GPC5: variants seen among roughly 807,000 people sequenced by gnomAD.
GPC5 encodes glypican 5, also known as glypican-5.
In GPC5, 47 loss-of-function variants were observed where a neutral mutation model predicts 53.9. The observed-to-expected ratio is 0.87, with a 90% CI of 0.69 to 1.11. The LOEUF (loss-of-function observed/expected upper bound fraction) is 1.11, where lower values mean the gene tolerates loss of function less well. Among genes scored for constraint, GPC5 ranks in the 50% most tolerant of loss-of-function variants. The pLI is 0.00. For missense variants in GPC5, 748 were observed against 713.1 expected, an observed-to-expected ratio of 1.05 and a Z score of -0.56; for synonymous variants, 286 against 263.3, an observed-to-expected ratio of 1.09 and a Z score of -0.84.
intron 2 of GPC5, among the ~76,000 whole-genome samples, chr13:91,649,075 G>A (rs537102137): frequency 6.6e-6 from 1 of 152,318 alleles, no homozygotes; most frequent in African/African-American, 2.4e-5. Flanking sequence ...TTCATAAGGG[G>A]CTTTTCACCC....
At chr13:92,239,994 T>A (rs2042599169) in intron 7 of GPC5, 2 of 84,438 alleles carry the variant, frequency 2.4e-5, no homozygotes, top group Admixed American at 2.6e-4. Flanking sequence ...AATTTTCAAA[T>A]TTGTTTAAAC....
chr13:92,043,415 AGG>A (rs758846162), intron 6 of GPC5, among the ~76,000 whole-genome samples: 15 of 152,122 alleles, frequency 9.9e-5, no homozygotes, highest in Non-Finnish European at 1.9e-4. Context: ...GTGAGGAGCA[AGG>A]GAAGAAAGGG....
intron 5 of GPC5, among the ~76,000 whole-genome samples, chr13:91,863,196 G>A (rs532387827): frequency 3.6e-4 from 55 of 152,186 alleles, no homozygotes; most frequent in Non-Finnish European, 5.3e-4. Flanking sequence ...AATGGGTGCT[G>A]CATGATTTTT....
At chr13:92,176,854 G>A (rs538372190) in intron 7 of GPC5, among the ~76,000 whole-genome samples, 1 of 152,110 alleles carries the variant, frequency 6.6e-6, no homozygotes, top group African/African-American at 2.4e-5. Flanking sequence ...TTTACATACT[G>A]TATCTACAGC....
At chr13:91,867,931 AG>A (rs35465837) in intron 5 of GPC5, among the ~76,000 whole-genome samples, 1 of 152,022 alleles carries the variant, frequency 6.6e-6, no homozygotes, top group Non-Finnish European at 1.5e-5. Context: ...AATTTTCAAA[AG>A]GGGACATGGC....
At chr13:91,883,046 T>C (rs999858482) in intron 5 of GPC5, among the ~76,000 whole-genome samples, 2 of 152,306 alleles carry the variant, frequency 1.3e-5, no homozygotes, top group Non-Finnish European at 2.9e-5. Context: ...AGGATTCATC[T>C]GAGTGATTCT....
At chr13:91,448,730 T>A in intron 1 of GPC5, 31 bp from the exon 2 acceptor site, 1 of 1,605,768 alleles carries the variant, frequency 6.2e-7, no homozygotes, top group Admixed American at 1.7e-5. Flanking sequence ...AATGAACAGG[T>A]AATCATTCTG....
At chr13:92,157,229 A>C (rs967975408) in intron 7 of GPC5, among the ~76,000 whole-genome samples, 5 of 152,196 alleles carry the variant, frequency 3.3e-5, no homozygotes. Context: ...ATTGCAACAG[A>C]TGGAATGAAA....
chr13:91,861,050 C>T (rs766865287), intron 5 of GPC5, among the ~76,000 whole-genome samples: 6 of 152,030 alleles, frequency 3.9e-5, no homozygotes, highest in Non-Finnish European at 7.4e-5. Flanking sequence ...TCATTGATTT[C>T]GAATTAAATT....
rs529959082 is a variant in GPC5 at position 91,559,651 on chromosome 13, C to T, written c.325+110729C>T. 2.0e-5 allele frequency among the ~76,000 whole-genome samples: 3 copies of T among 152,216 alleles called. No individual in the cohort carries two copies. In the East Asian group the frequency reaches 5.8e-4, roughly 29 times the overall value. On this transcript the variant is annotated intron_variant, in intron 2 of 7. Coordinates refer to ENST00000377067, the MANE Select transcript of GPC5 (RefSeq NM_004466.6). Reference sequence around the variant, plus strand: ...AACTGGCTGTATTGAACCCCTAAGTCATTCTGAGCCTTCCTTACCACTTGA... The same window carrying T: ...AACTGGCTGTATTGAACCCCTAAGTTATTCTGAGCCTTCCTTACCACTTGA...
intron 7 of GPC5, among the ~76,000 whole-genome samples, chr13:92,630,392 G>T (rs1278727583): frequency 1.3e-5 from 2 of 151,984 alleles, no homozygotes; most frequent in East Asian, 3.8e-4. Context: ...AAAGCAAAAT[G>T]CAAACTATTC....
intron 6 of GPC5, among the ~76,000 whole-genome samples, chr13:92,086,893 A>C (rs1241006224): frequency 6.6e-6 from 1 of 152,144 alleles, no homozygotes; most frequent in African/African-American, 2.4e-5. Context: ...TCCTGACCTC[A>C]GGTGATCTAC....
intron 6 of GPC5, among the ~76,000 whole-genome samples, chr13:92,053,795 C>T (rs918157450): frequency 1.1e-4 from 16 of 151,874 alleles, no homozygotes; most frequent in African/African-American, 3.9e-4. Context: ...TTTGGGAGGC[C>T]GAGGTGGGCG....
rs189931029 is a variant in GPC5, at chr13:91,983,680, A to G, written c.1401+75623A>G. On this transcript the variant is annotated intron_variant, in intron 6 of 7. Transcript: ENST00000377067. ...TGTGTAGTTCTGGAGCAGAATATTG[A>G]TAAGGCCATTTGTAGCTTGGTCAAA... Among the ~76,000 whole-genome samples, 5 of 152,276 alleles carry G rather than the reference A, an allele frequency of 3.3e-5. No individual in the cohort carries two copies. The East Asian group carries it at 9.7e-4, about 29-fold the overall frequency.
intron 7 of GPC5, among the ~76,000 whole-genome samples, chr13:92,653,518 T>C (rs1279776836): frequency 6.6e-6 from 1 of 152,152 alleles, no homozygotes; most frequent in African/African-American, 2.4e-5. Flanking sequence ...ATGCATCACT[T>C]AAGATTCTTT....
intron 7 of GPC5, among the ~76,000 whole-genome samples, chr13:92,297,908 A>C (rs893209546): frequency 2.6e-5 from 4 of 152,008 alleles, no homozygotes; most frequent in African/African-American, 9.7e-5. Context: ...TTCACTCCTG[A>C]GCCCAGCGAG....
intron 2 of GPC5, among the ~76,000 whole-genome samples, chr13:91,469,815 G>A (rs1882496518): frequency 6.6e-6 from 1 of 152,116 alleles, no homozygotes; most frequent in Non-Finnish European, 1.5e-5. Flanking sequence ...CGAGGTGGGT[G>A]GATCACGTGA....
intron 2 of GPC5, among the ~76,000 whole-genome samples, chr13:91,572,038 T>C (rs1462187004): frequency 1.8e-5 from 2 of 110,502 alleles, no homozygotes; most frequent in African/African-American, 9.1e-5. Flanking sequence ...TATATATGTG[T>C]ATATACACAC....
intron 7 of GPC5, among the ~76,000 whole-genome samples, chr13:92,810,937 G>T (rs1048037754): frequency 1.1e-4 from 16 of 151,876 alleles, no homozygotes; most frequent in Admixed American, 2.0e-4. Context: ...AGCCAGGATG[G>T]TCTTGATCTC....
Sources: gnomAD v4.1 joint callset for allele counts (sites outside exome capture counted in the v4.1 genomes callset) on GRCh38, gnomAD v4.1.1 for gene constraint, MANE v1.5 for transcripts, NCBI Gene and HGNC (gene_info 2026-07-23, HGNC 2026-07-21) for gene names.